CLVS1: variants seen among roughly 807,000 people sequenced by gnomAD.
CLVS1 encodes the protein clavesin-1.
A neutral mutation model predicts 33.1 loss-of-function variants in CLVS1; 10 were observed. That is an observed-to-expected ratio of 0.30 (90% CI 0.19 to 0.51). CLVS1 has a LOEUF of 0.51. CLVS1 is among the 20% of genes least tolerant of loss of function. The probability of loss-of-function intolerance (pLI) is 0.97; values close to 1 mark genes in which losing one functional copy is unlikely to be tolerated. For missense variants in CLVS1, 343 were observed against 433.4 expected (o/e 0.79, Z 1.85); for synonymous variants, 163 against 166.1 (o/e 0.98, Z 0.14).
chr8:61,171,137 A>G (rs1293570154), intron 2 of CLVS1, among the ~76,000 whole-genome samples: 1 of 152,046 alleles, frequency 6.6e-6, no homozygotes, highest in Non-Finnish European at 1.5e-5. Flanking sequence ...TTTAAATTCC[A>G]TGGCTCAAAT....
At chr8:61,050,382 C>T in the CLVS1 span, among the ~76,000 whole-genome samples, 1 of 152,216 alleles carries the variant, frequency 6.6e-6, no homozygotes, top group Non-Finnish European at 1.5e-5. Flanking sequence ...TACGAGGACT[C>T]TATGTGGTAG....
rs1454101251 is a variant in CLVS1, at chr8:61,376,617, A to G, written c.468A>G (p.Thr156=). ...GCTCTGGCTGCAGGAACTCCTTCAC[A>G]GACATCCTTCGTGCCATCCTGCTGT... ...ANWDQSRNSF[T]DILRAILLSL... The change falls in exon 3 of 6, where the codon ACA becomes ACG. Residue 156 remains threonine, a synonymous_variant. Coordinates refer to ENST00000325897, the MANE Select transcript of CLVS1 (RefSeq NM_173519.3). The G allele has an allele frequency of 6.2e-7, 1 of 1,613,786 alleles. No homozygotes were observed. The highest frequency in any genetic ancestry group is 8.5e-7 in the Non-Finnish European group (1 of 1,179,848).
chr8:61,275,480 T>C (rs1471827555), intron 2 of CLVS1, among the ~76,000 whole-genome samples: 1 of 152,236 alleles, frequency 6.6e-6, no homozygotes, highest in African/African-American at 2.4e-5. Context: ...CATGGTTGTA[T>C]TTATTGGAGA....
chr8:61,390,403 C>A (rs1258572657), intron 3 of CLVS1, among the ~76,000 whole-genome samples: 1 of 152,160 alleles, frequency 6.6e-6, no homozygotes, highest in Non-Finnish European at 1.5e-5. Flanking sequence ...ATGAAGAATT[C>A]TTTAGCTAAA....
chr8:61,120,405 G>C (rs1391392762), intron 1 of CLVS1, among the ~76,000 whole-genome samples: 1 of 129,078 alleles, frequency 7.7e-6, no homozygotes, highest in African/African-American at 3.2e-5. Flanking sequence ...GCTTTGTTCC[G>C]TTGCTGGTGA....
At chr8:61,010,298 G>GCACT in the CLVS1 span, among the ~76,000 whole-genome samples, 1 of 152,204 alleles carries the variant, frequency 6.6e-6, no homozygotes, top group Non-Finnish European at 1.5e-5. Flanking sequence ...CCTGCAGAAA[G>GCACT]CACTCTCTTG....
intron 2 of CLVS1, among the ~76,000 whole-genome samples, chr8:61,314,865 G>A (rs1404133019): frequency 6.6e-6 from 1 of 152,176 alleles, no homozygotes; most frequent in Non-Finnish European, 1.5e-5. Context: ...TGTAGATTAG[G>A]AAGCCAGAAA....
the CLVS1 span, among the ~76,000 whole-genome samples, chr8:60,975,700 T>C: frequency 6.6e-6 from 1 of 152,200 alleles, no homozygotes; most frequent in Non-Finnish European, 1.5e-5. Flanking sequence ...TTCGTGTTAA[T>C]TTTTTATGAC....
chr8:61,149,702 G>A (rs1417153616), intron 2 of CLVS1, among the ~76,000 whole-genome samples: 1 of 152,098 alleles, frequency 6.6e-6, no homozygotes, highest in Non-Finnish European at 1.5e-5. Context: ...GAGGTGGGAT[G>A]TTCTAATAAT....
At chr8:61,036,682 A>G in the CLVS1 span, among the ~76,000 whole-genome samples, 2 of 152,184 alleles carry the variant, frequency 1.3e-5, no homozygotes, top group African/African-American at 4.8e-5. Flanking sequence ...AGTTCTAGCT[A>G]TGTGCTTTTA....
intron 2 of CLVS1, among the ~76,000 whole-genome samples, chr8:61,166,031 G>T (rs372428823): frequency 8.1e-4 from 88 of 108,358 alleles, no homozygotes; most frequent in Middle Eastern, 6.9e-3. Flanking sequence ...GCATCTAAGC[G>T]TTTTTTTTTT....
At position 61,257,740 on chromosome 8, in the gene CLVS1, G is replaced by A. The variant is rs73684474; in HGVS notation, c.-151-41937G>A. Among the ~76,000 whole-genome samples the A allele has an allele frequency of 6.4e-3, 968 of 152,140 alleles. 10 individuals are homozygous for A. Among genetic ancestry groups the A allele is most frequent in the African/African-American group, 0.022 (903 of 41,506 alleles). On this transcript the variant is annotated intron_variant, in intron 2 of 2. Transcript: ENST00000522621. Reference sequence around the variant, plus strand: ...CTAATTTAAAAAAATAAGTAGGCTGGGCTTCATTGATATGTTTATAAAGAG... The same window carrying A: ...CTAATTTAAAAAAATAAGTAGGCTGAGCTTCATTGATATGTTTATAAAGAG...
chr8:61,126,431 C>G (rs1805974533), intron 1 of CLVS1, among the ~76,000 whole-genome samples: 1 of 152,158 alleles, frequency 6.6e-6, no homozygotes, highest in South Asian at 2.1e-4. Flanking sequence ...TCTTGCCTGG[C>G]ACGTAGTAAA....
intron 2 of CLVS1, among the ~76,000 whole-genome samples, chr8:61,239,087 CT>C (rs1356443205): frequency 9.2e-5 from 14 of 152,270 alleles, no homozygotes; most frequent in Admixed American, 8.5e-4. Flanking sequence ...AAAATGGTAT[CT>C]AATTTTTGTT....
chr8:61,052,802 GTCATT>G (rs1219321670), upstream of CLVS1, among the ~76,000 whole-genome samples: 61 of 152,172 alleles, frequency 4.0e-4, no homozygotes, highest in Admixed American at 4.0e-3. Flanking sequence ...ACAAGAGGAA[GTCATT>G]CTCTGGCCAT....
At chr8:61,160,833 GCCAGGTCTGCATAAC>G (rs1354084612) in intron 2 of CLVS1, among the ~76,000 whole-genome samples, 1 of 152,078 alleles carries the variant, frequency 6.6e-6, no homozygotes, top group Non-Finnish European at 1.5e-5. Context: ...CCCTGTTCTA[GCCAGGTCTGCATAAC>G]CCAGTCTTAG....
intron 3 of CLVS1, among the ~76,000 whole-genome samples, chr8:61,393,014 G>T (rs550634747): frequency 6.6e-5 from 10 of 151,950 alleles, no homozygotes; most frequent in Admixed American, 1.3e-4. Context: ...CTCCTGAGTA[G>T]CTGGGATTAC....
intron 1 of CLVS1, among the ~76,000 whole-genome samples, chr8:61,060,620 C>T (rs1356415710): frequency 6.6e-6 from 1 of 152,174 alleles, no homozygotes; most frequent in African/African-American, 2.4e-5. Context: ...GCGCCCCTTC[C>T]CACCCCTTAT....
At chr8:61,358,969 T>C (rs180757033) in intron 2 of CLVS1, among the ~76,000 whole-genome samples, 9 of 152,336 alleles carry the variant, frequency 5.9e-5, no homozygotes, top group African/African-American at 2.2e-4. Flanking sequence ...AAATTTGTAT[T>C]ATTATAATTT....
Sources: gnomAD v4.1 joint callset for allele counts (sites outside exome capture counted in the v4.1 genomes callset) on GRCh38, gnomAD v4.1.1 for gene constraint, MANE v1.5 for transcripts, NCBI Gene and HGNC (gene_info 2026-07-23, HGNC 2026-07-21) for gene names.